Variants in CTIF observed in about 807,000 individuals in gnomAD.
CTIF encodes the protein CBP80/20-dependent translation initiation factor.
Under a neutral mutation model 66.0 loss-of-function variants are expected in CTIF, and 21 were observed. The observed-to-expected ratio is 0.32, with a 90% CI of 0.23 to 0.46. The LOEUF (loss-of-function observed/expected upper bound fraction) is 0.46, where lower values mean the gene tolerates loss of function less well. Among genes scored for constraint, CTIF ranks in the 20% least tolerant of loss-of-function variants. The probability of loss-of-function intolerance (pLI) is 1.00; values close to 1 mark genes in which losing one functional copy is unlikely to be tolerated. For missense variants in CTIF, 739 were observed against 812.7 expected (o/e 0.91, Z 1.10); for synonymous variants, 345 against 326.4 (o/e 1.06, Z -0.62).
chr18:48,601,212 G>A (rs2144132829), intron 1 of CTIF, among the ~76,000 whole-genome samples: 1 of 152,294 alleles, frequency 6.6e-6, no homozygotes, highest in East Asian at 1.9e-4. Flanking sequence ...GTGTTAATCT[G>A]TGTTAATTTC....
At chr18:48,573,243 C>G (rs1407507744) in intron 1 of CTIF, among the ~76,000 whole-genome samples, 1 of 152,186 alleles carries the variant, frequency 6.6e-6, no homozygotes, top group Non-Finnish European at 1.5e-5. Flanking sequence ...GCCCACAGAG[C>G]TGCTGGGGTC....
chr18:48,837,142 G>A (rs1036124780), intron 10 of CTIF, among the ~76,000 whole-genome samples: 7 of 152,210 alleles, frequency 4.6e-5, no homozygotes, highest in African/African-American at 9.7e-5. Context: ...ATGCCCAGGG[G>A]CTGGGGGGTC....
rs75728095 is a variant in CTIF at position 48,790,071 on chromosome 18, C to G, written c.1372-27150C>G. ...GATGAAAGGAGCTAACCCATGTTAGCCTAAGGCTGCCTACTAGGTGTTGGG... is the reference window on the plus strand; with the variant it reads ...GATGAAAGGAGCTAACCCATGTTAGGCTAAGGCTGCCTACTAGGTGTTGGG... On this transcript the variant is annotated intron_variant, in intron 9 of 11. Transcript: ENST00000256413. Among the ~76,000 whole-genome samples, 894 of 152,278 alleles carry G rather than the reference C, an allele frequency of 5.9e-3. 8 individuals carry two copies. Among genetic ancestry groups the G allele is most frequent in the African/African-American group, 0.019 (800 of 41,530 alleles).
chr18:48,567,668 G>T (rs755628091), intron 1 of CTIF: 1 of 152,292 alleles, frequency 6.6e-6, no homozygotes, highest in Non-Finnish European at 1.5e-5. Flanking sequence ...TAGTCAGAAA[G>T]AAGTGGGGAA....
intron 9 of CTIF, among the ~76,000 whole-genome samples, chr18:48,769,139 C>G (rs1221786624): frequency 2.0e-5 from 3 of 152,192 alleles, no homozygotes; most frequent in African/African-American, 7.2e-5. Flanking sequence ...TTCTCAGACC[C>G]CCTCCCTCAT....
intron 7 of CTIF, among the ~76,000 whole-genome samples, chr18:48,730,642 T>TGGTGTGAGGGGCTTCTGC (rs1300981570): frequency 1.2e-4 from 3 of 24,700 alleles, no homozygotes; most frequent in South Asian, 1.6e-3. Flanking sequence ...GGGGCCCCTG[T>TGGTGTGAGGGGCTTCTGC]GGTGTGAGGG....
chr18:48,729,436 G>C (rs1297657372), intron 7 of CTIF, among the ~76,000 whole-genome samples: 1 of 152,124 alleles, frequency 6.6e-6, no homozygotes, highest in East Asian at 1.9e-4. Context: ...TGCTTAGGTG[G>C]GAAAATAACC....
At chr18:48,607,993 T>G (rs2090234901) in intron 1 of CTIF, among the ~76,000 whole-genome samples, 1 of 152,216 alleles carries the variant, frequency 6.6e-6, no homozygotes, top group South Asian at 2.1e-4. Context: ...CGTCCTGATT[T>G]ATTTCCAAGT....
At chr18:48,548,566 C>A (rs903578846) in intron 1 of CTIF, among the ~76,000 whole-genome samples, 1 of 152,198 alleles carries the variant, frequency 6.6e-6, no homozygotes, top group African/African-American at 2.4e-5. Flanking sequence ...AAAGAGCATG[C>A]GTTGCCTTTG....
intron 7 of CTIF, among the ~76,000 whole-genome samples, chr18:48,714,297 G>T (rs16949857): frequency 0.024 from 3,677 of 152,256 alleles, 49 homozygotes; most frequent in Middle Eastern, 0.068. Context: ...TCCTGGGCAC[G>T]CATGGTGGCA....
chr18:48,623,195 T>C (rs544404895), intron 2 of CTIF, among the ~76,000 whole-genome samples: 75 of 152,184 alleles, frequency 4.9e-4, no homozygotes, highest in Non-Finnish European at 9.0e-4. Context: ...TGAAGTGTGG[T>C]GTGGAGAACA....
intron 2 of CTIF, among the ~76,000 whole-genome samples, chr18:48,630,244 A>G (rs1309040570): frequency 7.3e-6 from 1 of 136,552 alleles, no homozygotes; most frequent in African/African-American, 2.6e-5. Context: ...GCTTTTTACC[A>G]CCCACGGTTT....
intron 6 of CTIF, among the ~76,000 whole-genome samples, chr18:48,708,035 G>T (rs1284249636): frequency 1.3e-5 from 2 of 152,228 alleles, no homozygotes; most frequent in Non-Finnish European, 2.9e-5. Flanking sequence ...TCATGTTGTA[G>T]TGTGGCTCAG....
intron 10 of CTIF, among the ~76,000 whole-genome samples, chr18:48,818,653 G>C (rs2068419665): frequency 6.6e-6 from 1 of 152,102 alleles, no homozygotes; most frequent in African/African-American, 2.4e-5. Flanking sequence ...AGTATAGATG[G>C]AGAGGGAGAG....
intron 2 of CTIF, among the ~76,000 whole-genome samples, chr18:48,623,901 A>G (rs2090544732): frequency 7.4e-6 from 1 of 134,462 alleles, no homozygotes; most frequent in Non-Finnish European, 1.5e-5. Flanking sequence ...GGATGGATAG[A>G]CAGACAGATA....
At chr18:48,542,613 C>G (rs1437606800) in intron 1 of CTIF, among the ~76,000 whole-genome samples, 1 of 152,172 alleles carries the variant, frequency 6.6e-6, no homozygotes, top group Non-Finnish European at 1.5e-5. Context: ...GATAGTAGAG[C>G]AGAGATAGTT....
intron 9 of CTIF, among the ~76,000 whole-genome samples, chr18:48,778,802 G>A (rs1306673816): frequency 6.6e-6 from 1 of 152,184 alleles, no homozygotes; most frequent in African/African-American, 2.4e-5. Flanking sequence ...CCCAGAACTG[G>A]AGGCGTTCTG....
chr18:48,853,090 G>A (rs2069245313), intron 10 of CTIF, among the ~76,000 whole-genome samples: 1 of 152,186 alleles, frequency 6.6e-6, no homozygotes, highest in African/African-American at 2.4e-5. Context: ...TCAGCTGGGC[G>A]AGTTTTCTCC....
intron 1 of CTIF, among the ~76,000 whole-genome samples, chr18:48,605,334 G>C (rs951043480): frequency 6.6e-6 from 1 of 152,180 alleles, no homozygotes; most frequent in Non-Finnish European, 1.5e-5. Flanking sequence ...AAGCTTCTAG[G>C]ATTCTGGGTG....
Sources: allele counts gnomAD v4.1 joint callset (sites outside exome capture counted in the v4.1 genomes callset), GRCh38; gene constraint gnomAD v4.1.1; transcripts MANE v1.5; gene names NCBI Gene and HGNC (gene_info 2026-07-23, HGNC 2026-07-21).